Variants in BCL2 observed in about 807,000 individuals in gnomAD.
The protein encoded by BCL2 is BCL2 apoptosis regulator.
BCL2 carries 1 observed loss-of-function variant against 14.2 expected under a neutral mutation model. That is an observed-to-expected ratio of 0.07 (90% CI 0.02 to 0.33). BCL2 has a LOEUF of 0.33. Among genes scored for constraint, BCL2 ranks in the 10% least tolerant of loss-of-function variants. The pLI is 0.99. For synonymous variants in BCL2, 151 were observed against 137.2 expected (o/e 1.10, Z -0.70); for missense variants, 247 against 305.9 (o/e 0.81, Z 1.44).
At chr18:63,177,492 G>T (rs1235488169) in intron 2 of BCL2, among the ~76,000 whole-genome samples, 2 of 152,144 alleles carry the variant, frequency 1.3e-5, no homozygotes, top group African/African-American at 4.8e-5. Context: ...CTGAATACCG[G>T]CTGTGAGCTT....
intron 2 of BCL2, among the ~76,000 whole-genome samples, chr18:63,205,828 G>A (rs1272767316): frequency 1.3e-5 from 2 of 152,112 alleles, no homozygotes; most frequent in Non-Finnish European, 2.9e-5. Context: ...GGACCATGGG[G>A]ATATAGAGGC....
chr18:63,178,171 T>C (rs746342785), intron 2 of BCL2, among the ~76,000 whole-genome samples: 2 of 152,224 alleles, frequency 1.3e-5, no homozygotes, highest in Non-Finnish European at 2.9e-5. Context: ...CCGTTTATGC[T>C]GCTTTGCTTA....
In BCL2 at chr18:63,211,452, T is replaced by TA. The variant is rs374463936; in HGVS notation, c.586-82694dup. 2.4e-3 allele frequency among the ~76,000 whole-genome samples: 361 copies of TA among 152,328 alleles called. 1 individual carries two copies. The highest frequency in any genetic ancestry group is 8.2e-3 in the African/African-American group (341 of 41,556). ...CGACTCAAATCTCCTCCTGGTTTTC[T>TA]AAGCTCATGAAAATCTCTATGTGAC... is the stretch of plus-strand genomic sequence containing the variant. On this transcript the variant is annotated intron_variant, in intron 2 of 2. Coordinates refer to ENST00000333681, the MANE Select transcript of BCL2 (RefSeq NM_000633.3).
chr18:63,199,301 G>A lies in BCL2; in HGVS notation c.586-70542C>T, dbSNP rs1432606038. ...ACACAGACACATGCACAGACACAGA[G>A]ACACACACATATACTACACAACATG... On this transcript the variant is annotated intron_variant, in intron 2 of 2. Coordinates refer to ENST00000333681, the MANE Select transcript of BCL2 (RefSeq NM_000633.3). Among the ~76,000 whole-genome samples the A allele has an allele frequency of 2.2e-5, 3 of 138,646 alleles. No homozygotes were observed. In the Admixed American group the frequency reaches 2.2e-4, roughly 10 times the overall value. The allele number at this position is 138,646 out of a possible 152,430, so 91.0% of individuals were successfully genotyped here. A position where few individuals can be genotyped will look rare whatever the true frequency, so the allele number is the denominator to read the frequency against.
At chr18:63,272,315 C>T (rs1243888118) in intron 2 of BCL2, among the ~76,000 whole-genome samples, 1 of 152,162 alleles carries the variant, frequency 6.6e-6, no homozygotes, top group Non-Finnish European at 1.5e-5. Flanking sequence ...GGATCAGCGG[C>T]TAAGACACTG....
chr18:63,130,692 A>AAAAAATTCATGTTTATAGTGTTT (rs1207458633), intron 2 of BCL2, among the ~76,000 whole-genome samples: 3 of 152,236 alleles, frequency 2.0e-5, no homozygotes, highest in African/African-American at 7.2e-5. Context: ...GCCATACTTT[A>AAAAAATTCATGTTTATAGTGTTT]AAAAATTCAT....
chr18:63,261,891 T>C (rs1025109015), intron 2 of BCL2, among the ~76,000 whole-genome samples: 2 of 152,100 alleles, frequency 1.3e-5, no homozygotes, highest in Admixed American at 6.5e-5. Context: ...GCAATTCTCT[T>C]GTCTCAGCTT....
intron 2 of BCL2, among the ~76,000 whole-genome samples, chr18:63,201,642 C>T (rs1568232512): frequency 6.6e-6 from 1 of 152,132 alleles, no homozygotes; most frequent in Non-Finnish European, 1.5e-5. Context: ...GAATACTATG[C>T]AGCTCTAAAA....
intron 2 of BCL2, among the ~76,000 whole-genome samples, chr18:63,235,901 C>T (rs562597337): frequency 6.6e-6 from 1 of 152,064 alleles, no homozygotes; most frequent in African/African-American, 2.4e-5. Flanking sequence ...TGTATTTAAA[C>T]TTTATATAAA....
chr18:63,177,995 C>T (rs1915389888), intron 2 of BCL2, among the ~76,000 whole-genome samples: 2 of 152,156 alleles, frequency 1.3e-5, no homozygotes, highest in Non-Finnish European at 2.9e-5. Flanking sequence ...ACTGGTGCAG[C>T]CACTTCCCTA....
chr18:63,266,637 T>TCTCTCTCTCTCTCTCTCACACACA (rs1491465885), intron 2 of BCL2, among the ~76,000 whole-genome samples: 11 of 86,000 alleles, frequency 1.3e-4, no homozygotes, highest in African/African-American at 4.0e-4. Flanking sequence ...TCTCTCTCTC[T>TCTCTCTCTCTCTCTCTCACACACA]CACACACACA....
chr18:63,209,670 G>A (rs982018000), intron 2 of BCL2, among the ~76,000 whole-genome samples: 2 of 152,186 alleles, frequency 1.3e-5, no homozygotes, highest in African/African-American at 4.8e-5. Flanking sequence ...GGAGATATGG[G>A]TTTTGGAACA....
intron 2 of BCL2, among the ~76,000 whole-genome samples, chr18:63,222,229 G>A (rs1241942033): frequency 2.8e-5 from 4 of 140,558 alleles, no homozygotes; most frequent in East Asian, 2.1e-4. Flanking sequence ...AGCCGAGATC[G>A]CACCACTGCA....
intron 2 of BCL2, among the ~76,000 whole-genome samples, chr18:63,173,885 A>G (rs1599224742): frequency 6.6e-6 from 1 of 152,226 alleles, no homozygotes; most frequent in Non-Finnish European, 1.5e-5. Context: ...CTATAATCAA[A>G]TTTGACTTGC....
At chr18:63,234,155 G>T (rs929189933) in intron 2 of BCL2, among the ~76,000 whole-genome samples, 1 of 152,112 alleles carries the variant, frequency 6.6e-6, no homozygotes, top group Non-Finnish European at 1.5e-5. Context: ...GTAAACGTGT[G>T]CCATGGTGGT....
intron 2 of BCL2, among the ~76,000 whole-genome samples, chr18:63,294,534 G>A (rs927975223): frequency 2.6e-5 from 4 of 152,046 alleles, no homozygotes; most frequent in African/African-American, 9.7e-5. Context: ...GCTGGGTGTG[G>A]TGGCACACAC....
At chr18:63,304,465 T>C (rs556966660) in intron 2 of BCL2, among the ~76,000 whole-genome samples, 1 of 152,254 alleles carries the variant, frequency 6.6e-6, no homozygotes, top group Non-Finnish European at 1.5e-5. Context: ...GTTATTTTTT[T>C]AATTTTATTT....
intron 2 of BCL2, among the ~76,000 whole-genome samples, chr18:63,240,284 C>T (rs1458393206): frequency 6.6e-6 from 1 of 152,196 alleles, no homozygotes; most frequent in Non-Finnish European, 1.5e-5. Flanking sequence ...CCACTGCACC[C>T]AGCCTATCTT....
At chr18:63,193,368 T>C (rs1237046602) in intron 2 of BCL2, among the ~76,000 whole-genome samples, 1 of 152,128 alleles carries the variant, frequency 6.6e-6, no homozygotes, top group Non-Finnish European at 1.5e-5. Context: ...TTTATTCCTG[T>C]TGAAGGGCAA....
Sources: gnomAD v4.1 joint callset for allele counts (sites outside exome capture counted in the v4.1 genomes callset) on GRCh38, gnomAD v4.1.1 for gene constraint, MANE v1.5 for transcripts, NCBI Gene and HGNC (gene_info 2026-07-23, HGNC 2026-07-21) for gene names.